SFMBT2: variants seen among roughly 807,000 people sequenced by gnomAD.
The protein encoded by SFMBT2 is scm-like with four MBT domains protein 2.
A neutral mutation model predicts 110.1 loss-of-function variants in SFMBT2; 38 were observed. The ratio of observed to expected loss-of-function variants is 0.35; its 90% CI spans 0.27 to 0.45. The LOEUF (loss-of-function observed/expected upper bound fraction) is 0.45. SFMBT2 is among the 20% of genes least tolerant of loss of function. The pLI, the probability that SFMBT2 is intolerant of heterozygous loss-of-function variation, is 1.00. For missense variants in SFMBT2, 1,011 were observed against 1,094.9 expected (o/e 0.92, Z 1.08); for synonymous variants, 425 against 425.4 (o/e 1.00, Z 0.01).
At chr10:7,319,640 CAAAGAGAGAGACAGAGAG>C (rs148505394) in intron 4 of SFMBT2, among the ~76,000 whole-genome samples, 5,011 of 151,412 alleles carry the variant, frequency 0.033, 121 homozygotes, top group Non-Finnish European at 0.054. Context: ...TAGGTGCTAC[CAAAGAGAGAGACAGAGAG>C]AGAGAGAGAG....
At chr10:7,260,293 G>A (rs930440298) in intron 7 of SFMBT2, among the ~76,000 whole-genome samples, 34 of 152,264 alleles carry the variant, frequency 2.2e-4, no homozygotes, top group Admixed American at 7.2e-4. Flanking sequence ...TAAACCATAA[G>A]GAAATCCATT....
chr10:7,258,303 T>A (rs1338433649), intron 7 of SFMBT2, among the ~76,000 whole-genome samples: 1 of 152,178 alleles, frequency 6.6e-6, no homozygotes, highest in African/African-American at 2.4e-5. Flanking sequence ...GCAGCAGCAA[T>A]CTCAGTGTCA....
intron 9 of SFMBT2, among the ~76,000 whole-genome samples, chr10:7,228,602 G>C (rs1839971840): frequency 6.6e-6 from 1 of 152,162 alleles, no homozygotes; most frequent in Non-Finnish European, 1.5e-5. Flanking sequence ...TGGATATACT[G>C]AGAGAGGCAT....
chr10:7,404,647 A>G (rs1052673326), intron 1 of SFMBT2, among the ~76,000 whole-genome samples: 2 of 152,214 alleles, frequency 1.3e-5, no homozygotes, highest in East Asian at 1.9e-4. Flanking sequence ...AAACAGAAAA[A>G]CGCAATGGAT....
intron 5 of SFMBT2, chr10:7,285,544 G>C (rs1424649575): frequency 4.5e-6 from 1 of 223,238 alleles, no homozygotes; most frequent in South Asian, 7.6e-5. Flanking sequence ...TACAGGATTT[G>C]ATTTATATTC....
chr10:7,204,887 AT>A (rs1028459220), intron 12 of SFMBT2: 876 of 868,202 alleles, frequency 1.0e-3, no homozygotes, highest in Non-Finnish European at 1.1e-3. Context: ...AAAAAAAAAA[AT>A]TTTTTTTTTG....
At chr10:7,345,170 G>A (rs967568030) in intron 4 of SFMBT2, among the ~76,000 whole-genome samples, 2 of 151,946 alleles carry the variant, frequency 1.3e-5, no homozygotes, top group Non-Finnish European at 2.9e-5. Flanking sequence ...CTTCCCTGGG[G>A]TCTGCAAGTG....
chr10:7,257,515 A>C (rs866432464), intron 7 of SFMBT2, among the ~76,000 whole-genome samples: 1 of 152,324 alleles, frequency 6.6e-6, no homozygotes, highest in Middle Eastern at 3.4e-3. Context: ...TTCAGGGTGA[A>C]CAGCAAAGTT....
rs1041752600 is a variant in SFMBT2 at position 7,228,318 on chromosome 10, G to C, written c.1121-381C>G. On this transcript the variant is annotated intron_variant, in intron 9 of 20. Transcript: ENST00000397167. Reference sequence around the variant, plus strand: ...CTTCATAGGAAGCCTGAGTTCGTGGGAGCTTACTTTTCGGTGTCTTTATGG... The same window carrying C: ...CTTCATAGGAAGCCTGAGTTCGTGGCAGCTTACTTTTCGGTGTCTTTATGG... 20 of 699,224 alleles carry C rather than the reference G, an allele frequency of 2.9e-5. No homozygotes were observed. In the African/African-American group the frequency reaches 3.7e-4, roughly 13 times the overall value. 43.3% of individuals were successfully genotyped at this position (699,224 alleles called of 1,614,324 possible). A position where few individuals can be genotyped will look rare whatever the true frequency, so the allele number is the denominator to read the frequency against.
rs1448313455 is a variant in SFMBT2, at chr10:7,173,262, C to T, written c.1985-601G>A. Among the ~76,000 whole-genome samples the T allele has an allele frequency of 2.0e-5, 3 of 152,164 alleles. No individual in the cohort carries two copies. In the East Asian group the frequency reaches 5.8e-4, roughly 29 times the overall value. On this transcript the variant is annotated intron_variant, in intron 17 of 20. Transcript: ENST00000397167. ...CACGGGAGTTTATCCCTGTCTGGAC[C>T]CCAGACACTGCATACAGTGGTGGCA...
intron 4 of SFMBT2, among the ~76,000 whole-genome samples, chr10:7,321,554 T>C (rs143421212): frequency 6.6e-6 from 1 of 152,298 alleles, no homozygotes; most frequent in African/African-American, 2.4e-5. Context: ...GGATAAAATA[T>C]CCCATCTTAA....
At chr10:7,288,435 C>G in intron 4 of SFMBT2, among the ~76,000 whole-genome samples, 1 of 152,146 alleles carries the variant, frequency 6.6e-6, no homozygotes, top group East Asian at 1.9e-4. Flanking sequence ...CATGGAAATA[C>G]AAACACAAAA....
intron 4 of SFMBT2, among the ~76,000 whole-genome samples, chr10:7,312,441 T>C (rs971313451): frequency 6.6e-6 from 1 of 152,058 alleles, no homozygotes; most frequent in Non-Finnish European, 1.5e-5. Flanking sequence ...GCAGCACAGA[T>C]TTGGGGGAAC....
At chr10:7,373,355 G>A (rs1433502557) in intron 2 of SFMBT2, among the ~76,000 whole-genome samples, 1 of 152,200 alleles carries the variant, frequency 6.6e-6, no homozygotes, top group Admixed American at 6.5e-5. Context: ...CCAGAATCAG[G>A]AGTTGAATAA....
chr10:7,351,881 AT>A (rs1293044650), intron 4 of SFMBT2, among the ~76,000 whole-genome samples: 8 of 115,868 alleles, frequency 6.9e-5, no homozygotes, highest in African/African-American at 1.2e-4. Flanking sequence ...AAAAAAAAAA[AT>A]ATATATATAT....
At chr10:7,178,363 A>G (rs570334242) in intron 16 of SFMBT2, among the ~76,000 whole-genome samples, 6 of 152,230 alleles carry the variant, frequency 3.9e-5, no homozygotes, top group Non-Finnish European at 5.9e-5. Context: ...GCACTAGGAA[A>G]ACGAGAGTTC....
chr10:7,274,950 C>T (rs572993694), intron 7 of SFMBT2, among the ~76,000 whole-genome samples: 1 of 152,352 alleles, frequency 6.6e-6, no homozygotes, highest in South Asian at 2.1e-4. Context: ...CCACATCCAG[C>T]TTTCTTCCCT....
chr10:7,183,491 A>G (rs535506252), intron 16 of SFMBT2, among the ~76,000 whole-genome samples: 25 of 152,234 alleles, frequency 1.6e-4, no homozygotes, highest in Non-Finnish European at 2.9e-4. Flanking sequence ...AGATTATTTT[A>G]AGCTCAAGAT....
At position 7,301,414 on chromosome 10, in the gene SFMBT2, A is replaced by C. The variant is rs1842552747; in HGVS notation, c.437-15460T>G. On this transcript the variant is annotated intron_variant, in intron 4 of 20. Transcript: ENST00000397167. This position sits in a 1 kb window ranked among gnomAD's most constrained non-coding sequence, Gnocchi z 4.2. ...CAAGTGAGGAATGAAGAAAGCCCGA[A>C]CTCATGAGACAGCGGAGGAAACCCG... is the stretch of plus-strand genomic sequence containing the variant. Among the ~76,000 whole-genome samples the C allele has an allele frequency of 6.6e-6, 1 of 152,164 alleles. No individual in the cohort carries two copies. Among genetic ancestry groups the C allele is most frequent in the Non-Finnish European group, 1.5e-5 (1 of 68,026 alleles).
Sources: allele counts gnomAD v4.1 joint callset (sites outside exome capture counted in the v4.1 genomes callset), GRCh38; gene constraint gnomAD v4.1.1; non-coding constraint Gnocchi (gnomAD v3.1); transcripts MANE v1.5; gene names NCBI Gene and HGNC (gene_info 2026-07-23, HGNC 2026-07-21).